The following ARHGEF1 variants were observed in gnomAD, a reference collection of about 807,000 sequenced individuals.
ARHGEF1 encodes 115 kDa guanine nucleotide exchange factor.
Under a neutral mutation model 119.7 loss-of-function variants are expected in ARHGEF1, and 40 were observed. The ratio of observed to expected loss-of-function variants is 0.33; its 90% CI spans 0.26 to 0.44. ARHGEF1 has a LOEUF of 0.44. Among genes scored for constraint, ARHGEF1 ranks in the 20% least tolerant of loss-of-function variants. The probability of loss-of-function intolerance (pLI) is 1.00; values close to 1 mark genes in which losing one functional copy is unlikely to be tolerated. For missense variants in ARHGEF1, 976 were observed against 1,268.3 expected (o/e 0.77, Z 3.50); for synonymous variants, 494 against 521.0 (o/e 0.95, Z 0.71).
chr19:41,917,343 A>G lies in ARHGEF1; in HGVS notation c.1866-5749A>G, dbSNP rs1471563797. 2.0e-5 allele frequency among the ~76,000 whole-genome samples: 3 copies of G among 151,176 alleles called. No homozygotes were observed. The highest frequency in any genetic ancestry group is 4.4e-5 in the Non-Finnish European group (3 of 67,852). The stretch of plus-strand genomic sequence containing the variant: ...TCATCTCTCTCTGCCTCTGTCTCCT[A>G]ACGCCCCATCACCACGCCCCCCTGG... On this transcript the variant is annotated intron_variant, in intron 18 of 20. Transcript: ENST00000599589. This position sits in a 1 kb window ranked among gnomAD's most constrained non-coding sequence, Gnocchi z 4.8.
At chr19:41,899,469 G>A (rs782801083) in intron 14 of ARHGEF1, among the ~76,000 whole-genome samples, 8 of 149,460 alleles carry the variant, frequency 5.4e-5, no homozygotes, top group African/African-American at 7.4e-5. Context: ...TGCTAATTGT[G>A]TGGTGGCTAG....
At position 41,903,163 on chromosome 19, in the gene ARHGEF1, C is replaced by T. The variant is rs2074632833; in HGVS notation, c.1739-144C>T. 1.7e-5 allele frequency: 12 copies of T among 724,156 alleles called. No individual in the cohort carries two copies. The South Asian group carries it at 2.1e-4, about 13-fold the overall frequency. 44.9% of individuals were successfully genotyped at this position (724,156 alleles called of 1,614,324 possible). A position where few individuals can be genotyped will look rare whatever the true frequency, so the allele number is the denominator to read the frequency against. ...CTTTGAACTCCTGGTCTCAAGCTAT[C>T]CTCCCGCCTCAGCCTCCCAAAGTGC... On this transcript the variant is annotated intron_variant, in intron 18 of 28. Coordinates refer to ENST00000354532, the MANE Select transcript of ARHGEF1 (RefSeq NM_004706.4). This position sits in a 1 kb window ranked among gnomAD's most constrained non-coding sequence, Gnocchi z 4.2.
At chr19:41,897,333 G>A in intron 13 of ARHGEF1, 2 of 1,265,814 alleles carry the variant, frequency 1.6e-6, no homozygotes, top group South Asian at 1.3e-5. Context: ...AGAGGTGGGT[G>A]CCTGGGCCCT....
In ARHGEF1 at chr19:41,905,861, G is replaced by T; in HGVS notation, c.2404+34G>T. On this transcript the variant is annotated intron_variant, in intron 25 of 28. Transcript: ENST00000354532. The surrounding 1 kb of genome is among the most constrained non-coding windows in gnomAD (Gnocchi z 6.4). ...AGAGGGATGCTGGGTGAGGGGCCAG[G>T]TTGGGGCTGCCGGGTGAAGAGAGGC... 1 of 1,614,022 alleles carries T rather than the reference G, an allele frequency of 6.2e-7. No individual in the cohort carries two copies. The highest frequency in any genetic ancestry group is 1.7e-4 in the Middle Eastern group (1 of 6,060).
In ARHGEF1 at chr19:41,889,183, C is replaced by T. The variant is rs2074339527; in HGVS notation, c.225+318C>T. On this transcript the variant is annotated intron_variant, in intron 4 of 28. Coordinates refer to ENST00000354532, the MANE Select transcript of ARHGEF1 (RefSeq NM_004706.4). The surrounding 1 kb of genome is among the most constrained non-coding windows in gnomAD (Gnocchi z 4.0). The stretch of plus-strand genomic sequence containing the variant: ...ATCCCACTCTGTGCCTGTGGCAGCG[C>T]CCCCATCAGCCTGTGGCAGCACCTT... The T allele has an allele frequency of 7.8e-6, 2 of 257,076 alleles. No individual in the cohort carries two copies. The highest frequency in any genetic ancestry group is 2.2e-5 in the African/African-American group (1 of 45,826). 15.9% of individuals were successfully genotyped at this position (257,076 alleles called of 1,614,324 possible). A position where few individuals can be genotyped will look rare whatever the true frequency, so the allele number is the denominator to read the frequency against.
At chr19:41,925,038 G>A (rs1475548887) in intron 1 of ARHGEF1, among the ~76,000 whole-genome samples, 1 of 152,194 alleles carries the variant, frequency 6.6e-6, no homozygotes, top group Non-Finnish European at 1.5e-5. Flanking sequence ...AAAGGAGAGA[G>A]GTGGCTGGAG....
intron 12 of ARHGEF1, 110 bp downstream of exon 12, chr19:41,895,596 C>G (rs2074471353): frequency 1.6e-6 from 2 of 1,224,816 alleles, no homozygotes; most frequent in East Asian, 5.0e-5. Flanking sequence ...AACACCTCCC[C>G]TTTGCTCTCA....
intron 1 of ARHGEF1, chr19:41,884,425 A>C (rs782512060): frequency 6.2e-7 from 1 of 1,600,842 alleles, no homozygotes; most frequent in Non-Finnish European, 8.5e-7. Flanking sequence ...GGGTGGGGAG[A>C]GTGCGGAGCC....
At chr19:41,924,283 T>C (rs2145910585) in intron 1 of ARHGEF1, among the ~76,000 whole-genome samples, 1 of 152,092 alleles carries the variant, frequency 6.6e-6, no homozygotes, top group Admixed American at 6.5e-5. Context: ...GAGGGCAGTC[T>C]CTGAAGTCAG....
intron 18 of ARHGEF1, among the ~76,000 whole-genome samples, chr19:41,914,541 C>T (rs943326442): frequency 1.9e-4 from 27 of 139,902 alleles, no homozygotes; most frequent in South Asian, 7.0e-4. Context: ...CTCTGCTATC[C>T]GTCTTTCCCT....
chr19:41,895,460 C>T lies in ARHGEF1; in HGVS notation c.989C>T (p.Ser330Phe). ...CCTGGAGTCTCTCTGCACCCTCTGTCCCTGGACAGCCCAGACCGGGAACCA... is the reference window on the plus strand; with the variant it reads ...CCTGGAGTCTCTCTGCACCCTCTGTTCCTGGACAGCCCAGACCGGGAACCA... ...DTPGVSLHPL[S>F]LDSPDREPGA... is the part of the protein sequence containing the mutation. Residue 330 changes from serine (S) to phenylalanine (F), a missense_variant, in exon 12 of 29, where the codon TCC becomes TTC. By Grantham distance (155) the Ser-to-Phe change is radical. Coordinates refer to ENST00000354532, the MANE Select transcript of ARHGEF1 (RefSeq NM_004706.4). 6.2e-7 allele frequency: 1 copy of T among 1,608,906 alleles called. No homozygotes were observed. Among genetic ancestry groups the T allele is most frequent in the Admixed American group, 1.7e-5 (1 of 59,904 alleles).
chr19:41,908,938 C>T (rs2074736088), downstream of ARHGEF1: 1 of 569,396 alleles, frequency 1.8e-6, no homozygotes, highest in Non-Finnish European at 2.6e-6. The surrounding 1 kb of genome is among the most constrained non-coding windows in gnomAD (Gnocchi z 6.7). Flanking sequence ...CACACACACA[C>T]CCTACAACCT....
chr19:41,918,323 A>G (rs1399738907), upstream of ARHGEF1, among the ~76,000 whole-genome samples: 1 of 151,324 alleles, frequency 6.6e-6, no homozygotes, highest in Non-Finnish European at 1.5e-5. Flanking sequence ...CACACCACAT[A>G]CACACACACG....
At position 41,916,152 on chromosome 19, in the gene ARHGEF1, C is replaced by G. The variant is rs782078407; in HGVS notation, c.1866-6940C>G. The stretch of plus-strand genomic sequence containing the variant: ...TCTCTCCCTGCCAAGCACAACCACA[C>G]AGACCCACACACCAACCCAGGCACG... On this transcript the variant is annotated intron_variant, in intron 18 of 20. Transcript: ENST00000599589. The surrounding 1 kb of genome is among the most constrained non-coding windows in gnomAD (Gnocchi z 5.4). Among the ~76,000 whole-genome samples the G allele has an allele frequency of 4.8e-4, 73 of 152,022 alleles. 2 individuals carry two copies. The highest frequency in any genetic ancestry group is 3.0e-3 in the Admixed American group (46 of 15,270).
intron 1 of ARHGEF1, among the ~76,000 whole-genome samples, chr19:41,925,352 C>A (rs2145911932): frequency 6.6e-6 from 1 of 152,034 alleles, no homozygotes; most frequent in African/African-American, 2.4e-5. Flanking sequence ...ATAGAGAGTA[C>A]CTGAGGGACA....
downstream of ARHGEF1, among the ~76,000 whole-genome samples, chr19:41,912,082 C>T (rs781913067): frequency 6.6e-6 from 1 of 152,152 alleles, no homozygotes. Flanking sequence ...GGCAGAGGCA[C>T]AGTCGGAGAG....
In ARHGEF1 at chr19:41,906,085, T is replaced by C. The variant is rs2074690647; in HGVS notation, c.2491+60T>C. ...GCCCAAACAGTGCCTCTGTTCCAAC[T>C]AGAACAAGGCTCTCCACGTCAAAAA... On this transcript the variant is annotated intron_variant, in intron 26 of 28. Coordinates refer to ENST00000354532, the MANE Select transcript of ARHGEF1 (RefSeq NM_004706.4). The surrounding 1 kb of genome is among the most constrained non-coding windows in gnomAD (Gnocchi z 4.5). 2 of 1,483,324 alleles carry C rather than the reference T, an allele frequency of 1.3e-6. No individual in the cohort carries two copies. Among genetic ancestry groups the C allele is most frequent in the African/African-American group, 1.4e-5 (1 of 72,186 alleles). 91.9% of individuals were successfully genotyped at this position (1,483,324 alleles called of 1,614,324 possible).
At position 41,892,867 on chromosome 19, in the gene ARHGEF1, G is replaced by A. The variant is rs782702093; in HGVS notation, c.614+18G>A. 2 of 1,488,740 alleles carry A rather than the reference G, an allele frequency of 1.3e-6. No individual in the cohort carries two copies. The highest frequency in any genetic ancestry group is 8.9e-7 in the Non-Finnish European group (1 of 1,119,766). 92.2% of individuals were successfully genotyped at this position (1,488,740 alleles called of 1,614,324 possible). ...GAGATGCAGTGAGTAGGCCAGCCCTGGTGGGAGCGTCGCCCCTCCCCAGCA... is the reference window on the plus strand; with the variant it reads ...GAGATGCAGTGAGTAGGCCAGCCCTAGTGGGAGCGTCGCCCCTCCCCAGCA... On this transcript the variant is annotated intron_variant, in intron 7 of 28. Coordinates refer to ENST00000354532, the MANE Select transcript of ARHGEF1 (RefSeq NM_004706.4). This position sits in a 1 kb window ranked among gnomAD's most constrained non-coding sequence, Gnocchi z 6.3.
At chr19:41,896,815 TCTC>T in intron 13 of ARHGEF1, 1 of 336,774 alleles carries the variant, frequency 3.0e-6, no homozygotes, top group South Asian at 1.9e-5. Flanking sequence ...TCCCCTCTCC[TCTC>T]TCACCTCCCC....
Sources: allele counts gnomAD v4.1 joint callset (sites outside exome capture counted in the v4.1 genomes callset), GRCh38; gene constraint gnomAD v4.1.1; non-coding constraint Gnocchi (gnomAD v3.1); transcripts MANE v1.5; gene names NCBI Gene and HGNC (gene_info 2026-07-23, HGNC 2026-07-21).